ESRRG: variants seen among roughly 807,000 people sequenced by gnomAD.
ESRRG encodes estrogen related receptor gamma.
In ESRRG, 13 loss-of-function variants were observed where a neutral mutation model predicts 44.0. The observed-to-expected ratio is 0.30, with a 90% confidence interval of 0.19 to 0.47. The LOEUF is 0.47. Among genes scored for constraint, ESRRG ranks in the 20% least tolerant of loss-of-function variants. The pLI is 1.00. For synonymous variants in ESRRG, 215 were observed against 214.6 expected, an observed-to-expected ratio of 1.00 and a Z score of -0.02; for missense variants, 395 against 580.6, an observed-to-expected ratio of 0.68 and a Z score of 3.29.
At chr1:216,626,642 C>G (rs936574718) in intron 3 of ESRRG, among the ~76,000 whole-genome samples, 1 of 152,230 alleles carries the variant, frequency 6.6e-6, no homozygotes, top group Non-Finnish European at 1.5e-5. Context: ...GCAACCCTCC[C>G]GCCACATTTG....
At chr1:216,611,803 C>T (rs2060714934) in intron 3 of ESRRG, among the ~76,000 whole-genome samples, 2 of 151,978 alleles carry the variant, frequency 1.3e-5, no homozygotes, top group Non-Finnish European at 2.9e-5. Context: ...AGAAACAATT[C>T]TTCCTGAGGA....
intron 1 of ESRRG, among the ~76,000 whole-genome samples, chr1:217,097,149 A>G (rs2092436679): frequency 6.6e-6 from 1 of 152,172 alleles, no homozygotes; most frequent in Non-Finnish European, 1.5e-5. Context: ...AATAGGGCTG[A>G]AGTTTTGGAT....
Position 216,917,067 on chromosome 1 carries a change from T to C in ESRRG, c.-14+22515A>G, listed in dbSNP as rs529257129. Among the ~76,000 whole-genome samples, 470 of 150,968 alleles carry C rather than the reference T, an allele frequency of 3.1e-3. 2 individuals carry two copies. Among genetic ancestry groups the C allele is most frequent in the Non-Finnish European group, 4.6e-3 (314 of 67,816 alleles). On this transcript the variant is annotated intron_variant, in intron 2 of 7. Transcript: ENST00000359162. ...CTGGGCTCAATTGAACCTCTCTCTC[T>C]CCTCCCCTAGAATCTCAGGGTCTCT... is the stretch of plus-strand genomic sequence containing the variant.
At chr1:216,568,969 G>C (rs969665782) in intron 3 of ESRRG, among the ~76,000 whole-genome samples, 1 of 151,876 alleles carries the variant, frequency 6.6e-6, no homozygotes, top group Non-Finnish European at 1.5e-5. Context: ...CAGGAGAATC[G>C]CTTGAACCCG....
At chr1:217,078,900 C>T (rs1316075459) in intron 1 of ESRRG, among the ~76,000 whole-genome samples, 1 of 152,060 alleles carries the variant, frequency 6.6e-6, no homozygotes, top group African/African-American at 2.4e-5. Context: ...TTGTCAGGGG[C>T]CATTTTAGTA....
Position 217,020,201 on chromosome 1 carries a change from T to C in ESRRG, c.-106+69306A>G, listed in dbSNP as rs565322999. ...GGGAAAAACAGCACTTCAGTGACAA[T>C]GAATTAATCACTAAGGAGAGCCGAT... On this transcript the variant is annotated intron_variant, in intron 1 of 7. Coordinates refer to the ESRRG transcript ENST00000359162. 1.6e-3 allele frequency among the ~76,000 whole-genome samples: 239 copies of C among 152,210 alleles called. 1 individual carries two copies. Among genetic ancestry groups the C allele is most frequent in the African/African-American group, 5.2e-3 (217 of 41,532 alleles).
chr1:216,638,957 G>A (rs372999935), intron 3 of ESRRG, among the ~76,000 whole-genome samples: 36 of 152,282 alleles, frequency 2.4e-4, no homozygotes, highest in East Asian at 5.8e-4. Flanking sequence ...ATGAATCCAC[G>A]TTCCTTCCAA....
At chr1:216,521,067 T>C (rs1047005572) in intron 5 of ESRRG, among the ~76,000 whole-genome samples, 2 of 152,188 alleles carry the variant, frequency 1.3e-5, no homozygotes, top group Non-Finnish European at 2.9e-5. Context: ...CTTTAAGATA[T>C]GTGTAAAATG....
chr1:216,619,187 GTGTA>G lies in ESRRG; in HGVS notation c.589+31782_589+31785del, dbSNP rs137934291. Among the ~76,000 whole-genome samples, 560 of 152,322 alleles carry G rather than the reference GTGTA, an allele frequency of 3.7e-3. 16 individuals are homozygous for G. The East Asian group carries it at 0.06, about 16-fold the overall frequency. On this transcript the variant is annotated intron_variant, in intron 3 of 6. Coordinates refer to ENST00000408911, the MANE Select transcript of ESRRG (RefSeq NM_001438.4). ...ATTGCACAGTTCTGGTGGTTGGAAT[GTGTA>G]TGTGTGTCCATGCTTAAGCACATGT...
At chr1:216,799,048 G>T (rs2094546713) in intron 2 of ESRRG, among the ~76,000 whole-genome samples, 1 of 151,968 alleles carries the variant, frequency 6.6e-6, no homozygotes, top group Non-Finnish European at 1.5e-5. Context: ...GCCCTAAATG[G>T]TTAATTTTCA....
intron 2 of ESRRG, among the ~76,000 whole-genome samples, chr1:216,842,790 A>G (rs2095672570): frequency 6.6e-6 from 1 of 152,226 alleles, no homozygotes. Flanking sequence ...TAGTGCATTT[A>G]TACCACAAAT....
intron 6 of ESRRG, among the ~76,000 whole-genome samples, chr1:216,508,206 T>C (rs2041730156): frequency 6.6e-6 from 1 of 152,170 alleles, no homozygotes; most frequent in South Asian, 2.1e-4. Flanking sequence ...GGGAATGTAA[T>C]TTAAAATCAA....
In ESRRG at chr1:216,928,507, T is replaced by G. The variant is rs78183739; in HGVS notation, c.-14+11075A>C. On this transcript the variant is annotated intron_variant, in intron 2 of 7. Transcript: ENST00000359162. ...CATGACCCATTGGGAACATCTCCTC[T>G]TCTTCCTGTCACAGCCTCCATGTTC... is the stretch of plus-strand genomic sequence containing the variant. 9.9e-3 allele frequency among the ~76,000 whole-genome samples: 1,515 copies of G among 152,322 alleles called. 26 individuals are homozygous for G. Among genetic ancestry groups the G allele is most frequent in the African/African-American group, 0.034 (1,428 of 41,562 alleles).
intron 1 of ESRRG, among the ~76,000 whole-genome samples, chr1:216,720,940 G>A (rs571608769): frequency 5.3e-5 from 8 of 152,194 alleles, no homozygotes; most frequent in African/African-American, 1.2e-4. Context: ...AATTAAGTCC[G>A]CTCTATAATC....
intron 5 of ESRRG, among the ~76,000 whole-genome samples, chr1:216,563,331 C>A (rs1038254636): frequency 6.6e-6 from 1 of 152,084 alleles, no homozygotes; most frequent in African/African-American, 2.4e-5. Flanking sequence ...CCTGACAGTT[C>A]GTTACGACTG....
chr1:216,680,895 G>C (rs1417981268), intron 1 of ESRRG, among the ~76,000 whole-genome samples: 1 of 152,132 alleles, frequency 6.6e-6, no homozygotes, highest in Non-Finnish European at 1.5e-5. Flanking sequence ...ACTCTAAGAG[G>C]AATGTAGTGA....
chr1:216,952,457 G>A (rs11572474), intron 1 of ESRRG, among the ~76,000 whole-genome samples: 152 of 152,234 alleles, frequency 1.0e-3, no homozygotes, highest in African/African-American at 1.8e-3. Context: ...GGATCTTATT[G>A]CATTCCTGAA....
intron 1 of ESRRG, among the ~76,000 whole-genome samples, chr1:216,708,455 T>C (rs1344136319): frequency 6.6e-6 from 1 of 152,064 alleles, no homozygotes; most frequent in Admixed American, 6.6e-5. Flanking sequence ...TTTTGGAGTG[T>C]TAGAAATCAG....
chr1:216,512,054 A>G lies in ESRRG; in HGVS notation c.1133-4871T>C, dbSNP rs1287500768. Among the ~76,000 whole-genome samples, 11 of 152,360 alleles carry G rather than the reference A, an allele frequency of 7.2e-5. 1 individual carries two copies. The South Asian group carries it at 1.7e-3, about 23-fold the overall frequency. On this transcript the variant is annotated intron_variant, in intron 6 of 6. Coordinates refer to ENST00000408911, the MANE Select transcript of ESRRG (RefSeq NM_001438.4). ...TAAGAGAAAGCATTACTTTATACAT[A>G]TCCCACCTACTGAATGAAAAAAGAG...
Sources: allele counts gnomAD v4.1 joint callset (sites outside exome capture counted in the v4.1 genomes callset), GRCh38; gene constraint gnomAD v4.1.1; transcripts MANE v1.5; gene names NCBI Gene and HGNC (gene_info 2026-07-23, HGNC 2026-07-21).